COMMD10: variants seen among roughly 807,000 people sequenced by gnomAD.
COMMD10 encodes the protein COMM domain-containing protein 10.
A neutral mutation model predicts 28.9 loss-of-function variants in COMMD10; 33 were observed. The observed-to-expected ratio is 1.14, with a 90% CI of 0.87 to 1.53. The LOEUF is 1.53. Ranked by LOEUF, COMMD10 falls within the 40% of genes most tolerant of loss-of-function variation. The pLI, the probability that COMMD10 is intolerant of heterozygous loss-of-function variation, is 0.00. For synonymous variants in COMMD10, 110 were observed against 81.7 expected, an observed-to-expected ratio of 1.35 and a Z score of -1.87; for missense variants, 310 against 233.4, an observed-to-expected ratio of 1.33 and a Z score of -2.14.
chr5:116,204,289 T>C (rs1181347969), intron 5 of COMMD10, among the ~76,000 whole-genome samples: 1 of 152,200 alleles, frequency 6.6e-6, no homozygotes, highest in Non-Finnish European at 1.5e-5. Context: ...ACAATAATAA[T>C]GGAAGACTTT....
intron 5 of COMMD10, among the ~76,000 whole-genome samples, chr5:116,146,964 A>G (rs140048950): frequency 2.6e-5 from 4 of 151,900 alleles, no homozygotes; most frequent in Non-Finnish European, 4.4e-5. Context: ...TGCCATGTCC[A>G]TATTTTAAAA....
At chr5:116,165,864 A>G (rs1184355674) in intron 5 of COMMD10, among the ~76,000 whole-genome samples, 1 of 152,234 alleles carries the variant, frequency 6.6e-6, no homozygotes, top group South Asian at 2.1e-4. Flanking sequence ...ACTGCTGTTT[A>G]GGGCTATAAC....
At chr5:116,117,631 T>C (rs1275957663) in intron 4 of COMMD10, among the ~76,000 whole-genome samples, 2 of 151,820 alleles carry the variant, frequency 1.3e-5, no homozygotes, top group African/African-American at 4.8e-5. Context: ...TCCTGGCTAA[T>C]TTTTTTGTAT....
chr5:116,217,068 A>G (rs1304246378), intron 5 of COMMD10, among the ~76,000 whole-genome samples: 1 of 152,008 alleles, frequency 6.6e-6, no homozygotes, highest in Admixed American at 6.6e-5. Flanking sequence ...AGCTTTACAT[A>G]TTTTTATAAA....
At chr5:116,262,400 C>T in intron 5 of COMMD10, among the ~76,000 whole-genome samples, 1 of 151,532 alleles carries the variant, frequency 6.6e-6, no homozygotes. Context: ...AAAGTTAGAC[C>T]TAAGAGGATT....
intron 5 of COMMD10, among the ~76,000 whole-genome samples, chr5:116,257,914 A>C (rs1750336751): frequency 6.6e-6 from 1 of 151,658 alleles, no homozygotes. Context: ...TTTGAATCAC[A>C]GTTTTGTATA....
In COMMD10 at chr5:116,203,002, G is replaced by A. The variant is rs553639495; in HGVS notation, c.510+68824G>A. On this transcript the variant is annotated intron_variant, in intron 5 of 6. Coordinates refer to ENST00000274458, the MANE Select transcript of COMMD10 (RefSeq NM_016144.4). ...ATGGTATTGCCTAGGTTTTCTTCTAGGGTTTTTATGGTTTTAGGTCTAACA... is the reference window on the plus strand; with the variant it reads ...ATGGTATTGCCTAGGTTTTCTTCTAAGGTTTTTATGGTTTTAGGTCTAACA... Among the ~76,000 whole-genome samples, 391 of 151,820 alleles carry A rather than the reference G, an allele frequency of 2.6e-3. 1 individual carries two copies. Among genetic ancestry groups the A allele is most frequent in the Non-Finnish European group, 4.4e-3 (300 of 67,974 alleles).
intron 5 of COMMD10, among the ~76,000 whole-genome samples, chr5:116,141,976 T>A (rs10057462): frequency 0.31 from 46,303 of 151,588 alleles, 9,587 homozygotes; most frequent in African/African-American, 0.6. Context: ...TGCCTTTTTT[T>A]AAAAATCATG....
intron 5 of COMMD10, among the ~76,000 whole-genome samples, chr5:116,164,179 G>T (rs1753016057): frequency 1.3e-5 from 2 of 152,050 alleles, no homozygotes; most frequent in Non-Finnish European, 2.9e-5. Context: ...AAATTAGCTG[G>T]GTATGGTGGC....
intron 4 of COMMD10, among the ~76,000 whole-genome samples, chr5:116,100,263 G>T (rs1251121294): frequency 6.6e-6 from 1 of 152,062 alleles, no homozygotes. Context: ...ATTTTGTTAA[G>T]TTTCCTTTGT....
rs1749390130 is a variant in COMMD10 at position 116,226,212 on chromosome 5, TA to T, written c.511-65304del. Among the ~76,000 whole-genome samples, 8 of 152,106 alleles carry T rather than the reference TA, an allele frequency of 5.3e-5. No individual in the cohort carries two copies. In the South Asian group the frequency reaches 1.7e-3, roughly 32 times the overall value. ...TGTTTGCTTTAATCTAGTATCTTAT[TA>T]TTGGTATCTCTGGGGTTTTGTATGA... On this transcript the variant is annotated intron_variant, in intron 5 of 6. Coordinates refer to ENST00000274458, the MANE Select transcript of COMMD10 (RefSeq NM_016144.4).
At chr5:116,128,740 A>C (rs1382998997) in intron 4 of COMMD10, among the ~76,000 whole-genome samples, 6 of 152,000 alleles carry the variant, frequency 3.9e-5, no homozygotes, top group Non-Finnish European at 1.5e-5. Flanking sequence ...AATGTAAGGA[A>C]TTATTTATTC....
intron 5 of COMMD10, among the ~76,000 whole-genome samples, chr5:116,243,627 A>G (rs1298991098): frequency 6.6e-6 from 1 of 152,144 alleles, no homozygotes; most frequent in African/African-American, 2.4e-5. Context: ...AGAAAGTCGA[A>G]GTGAGTATTC....
At chr5:116,263,166 G>A (rs1367228168) in intron 5 of COMMD10, among the ~76,000 whole-genome samples, 2 of 151,662 alleles carry the variant, frequency 1.3e-5, no homozygotes, top group African/African-American at 4.9e-5. Flanking sequence ...TTATATTTTT[G>A]CTGTTGGAGG....
chr5:116,209,032 G>A (rs1351754851), intron 5 of COMMD10, among the ~76,000 whole-genome samples: 3 of 151,608 alleles, frequency 2.0e-5, no homozygotes, highest in African/African-American at 7.3e-5. Context: ...CTTTGTTCTT[G>A]GTGTACTAAT....
chr5:116,087,054 C>T (rs901308590), intron 1 of COMMD10, among the ~76,000 whole-genome samples: 3 of 152,152 alleles, frequency 2.0e-5, no homozygotes, highest in African/African-American at 7.2e-5. Context: ...TGCTTAGTGA[C>T]CCCAGATGAT....
intron 5 of COMMD10, among the ~76,000 whole-genome samples, chr5:116,204,948 T>C (rs547943203): frequency 1.3e-5 from 2 of 152,224 alleles, no homozygotes; most frequent in South Asian, 2.1e-4. Flanking sequence ...CTACCTCCCA[T>C]GGTAAACCTT....
intron 4 of COMMD10, among the ~76,000 whole-genome samples, chr5:116,096,203 G>C (rs551246065): frequency 1.2e-4 from 19 of 152,032 alleles, no homozygotes; most frequent in Admixed American, 5.2e-4. Flanking sequence ...ATTGAGAAAT[G>C]ACTCCTTAAT....
chr5:116,136,367 C>T (rs1752024764), intron 5 of COMMD10, among the ~76,000 whole-genome samples: 1 of 152,178 alleles, frequency 6.6e-6, no homozygotes, highest in Admixed American at 6.5e-5. Flanking sequence ...CATACATGCA[C>T]ATTCCAAGTA....
Sources: gnomAD v4.1 joint callset for allele counts (sites outside exome capture counted in the v4.1 genomes callset) on GRCh38, gnomAD v4.1.1 for gene constraint, MANE v1.5 for transcripts, NCBI Gene and HGNC (gene_info 2026-07-23, HGNC 2026-07-21) for gene names.